Variants in TEX36 observed in about 807,000 individuals in gnomAD.
The protein encoded by TEX36 is testis-expressed protein 36.
Under a neutral mutation model 13.6 loss-of-function variants are expected in TEX36, and 12 were observed. That is an observed-to-expected ratio of 0.88 (90% CI 0.56 to 1.43). The LOEUF is 1.43. Ranked by LOEUF, TEX36 falls within the 40% of genes most tolerant of loss-of-function variation. The probability of loss-of-function intolerance (pLI) is 0.00; values close to 1 mark genes in which losing one functional copy is unlikely to be tolerated. For missense variants in TEX36, 224 were observed against 228.3 expected (o/e 0.98, Z 0.12); for synonymous variants, 93 against 83.0 (o/e 1.12, Z -0.65).
chr10:125,662,079 G>A, intron 1 of TEX36, 102 bp from the exon 2 acceptor site: 3 of 1,440,104 alleles, frequency 2.1e-6, no homozygotes, highest in Non-Finnish European at 2.8e-6. Context: ...CAATTTGGGT[G>A]CTTTTGGCAT....
intron 1 of TEX36, chr10:125,667,448 G>T (rs1847141841): frequency 1.4e-6 from 1 of 702,928 alleles, no homozygotes; most frequent in Admixed American, 1.8e-5. Flanking sequence ...CAGGACGTTG[G>T]TATTTTCCAT....
At chr10:125,599,259 T>C (rs141268926) in intron 3 of TEX36, among the ~76,000 whole-genome samples, 130 of 152,328 alleles carry the variant, frequency 8.5e-4, no homozygotes, top group African/African-American at 3.0e-3. Flanking sequence ...CTTAAGATGT[T>C]AAAACTGAAA....
intron 3 of TEX36, among the ~76,000 whole-genome samples, chr10:125,612,004 A>G (rs1330649291): frequency 6.6e-6 from 1 of 151,182 alleles, no homozygotes; most frequent in Non-Finnish European, 1.5e-5. Flanking sequence ...TTTGTGGCCT[A>G]CTGTAGCATG....
chr10:125,602,021 T>A lies in TEX36; in HGVS notation c.265-25147A>T, dbSNP rs1846155351. 2.0e-5 allele frequency among the ~76,000 whole-genome samples: 3 copies of A among 152,150 alleles called. No homozygotes were observed. In the South Asian group the frequency reaches 6.2e-4, roughly 32 times the overall value. On this transcript the variant is annotated intron_variant, in intron 3 of 3. Transcript: ENST00000532135. ...CCCAGCAGGGAGGCGAACAGATTTA[T>A]AGCAAGATCCAGGGAGGTGTTGCAG...
At chr10:125,675,269 C>G (rs1847293773) in intron 1 of TEX36, among the ~76,000 whole-genome samples, 1 of 152,186 alleles carries the variant, frequency 6.6e-6, no homozygotes, top group South Asian at 2.1e-4. Flanking sequence ...TCTCCAGCAC[C>G]AGCAGGGTAA....
intron 3 of TEX36, among the ~76,000 whole-genome samples, chr10:125,643,580 A>C (rs1846722354): frequency 6.6e-6 from 1 of 152,090 alleles, no homozygotes; most frequent in Admixed American, 6.5e-5. Context: ...GTCTCTACTA[A>C]AAATACAAAA....
At chr10:125,608,972 T>TAAA (rs35828943) in intron 3 of TEX36, among the ~76,000 whole-genome samples, 25 of 83,300 alleles carry the variant, frequency 3.0e-4, no homozygotes, top group African/African-American at 9.0e-4. Context: ...CCACCTCTAC[T>TAAA]AAAAAAAAAA....
downstream of TEX36, among the ~76,000 whole-genome samples, chr10:125,620,829 T>C (rs575693237): frequency 6.6e-6 from 1 of 152,310 alleles, no homozygotes; most frequent in Non-Finnish European, 1.5e-5. Context: ...AGTTTCCATC[T>C]CTGTGAATTT....
intron 3 of TEX36, among the ~76,000 whole-genome samples, chr10:125,637,341 G>A (rs1846634667): frequency 6.6e-6 from 1 of 151,780 alleles, no homozygotes; most frequent in Non-Finnish European, 1.5e-5. Flanking sequence ...TATGCAGTGT[G>A]TCTTCTTATG....
chr10:125,604,145 C>T (rs1353048509), intron 3 of TEX36, among the ~76,000 whole-genome samples: 1 of 152,172 alleles, frequency 6.6e-6, no homozygotes. Context: ...GGAGAAAGAA[C>T]TCTCAATGGC....
chr10:125,650,925 C>G (rs1846842783), downstream of TEX36, among the ~76,000 whole-genome samples: 1 of 152,188 alleles, frequency 6.6e-6, no homozygotes, highest in African/African-American at 2.4e-5. Flanking sequence ...TGGACACATA[C>G]ACCCTCCCAA....
At chr10:125,624,327 C>T (rs570519100) in intron 3 of TEX36, among the ~76,000 whole-genome samples, 5 of 152,282 alleles carry the variant, frequency 3.3e-5, no homozygotes, top group African/African-American at 7.2e-5. Flanking sequence ...GGGGCAGGTG[C>T]GGCTCCACAC....
At chr10:125,605,399 C>T (rs530962693) in intron 3 of TEX36, among the ~76,000 whole-genome samples, 1 of 151,790 alleles carries the variant, frequency 6.6e-6, no homozygotes, top group Admixed American at 6.6e-5. Context: ...GTCAGTTAAT[C>T]TCCACACGCA....
chr10:125,603,217 C>G (rs532223102), intron 3 of TEX36, among the ~76,000 whole-genome samples: 1 of 152,216 alleles, frequency 6.6e-6, no homozygotes, highest in Non-Finnish European at 1.5e-5. Context: ...CATGGCCCCC[C>G]GCCAGAAACT....
intron 3 of TEX36, among the ~76,000 whole-genome samples, chr10:125,615,843 G>C (rs1031500744): frequency 5.9e-5 from 9 of 152,138 alleles, no homozygotes; most frequent in African/African-American, 2.2e-4. Flanking sequence ...GATTGGAATA[G>C]TTTCAGAAGG....
intron 3 of TEX36, among the ~76,000 whole-genome samples, chr10:125,588,113 G>GAGT (rs1726260871): frequency 6.6e-6 from 1 of 152,226 alleles, no homozygotes; most frequent in African/African-American, 2.4e-5. Flanking sequence ...ATGCACATGT[G>GAGT]AGTATATCTC....
intron 3 of TEX36, among the ~76,000 whole-genome samples, chr10:125,631,188 C>T (rs1846549602): frequency 6.6e-6 from 1 of 152,200 alleles, no homozygotes; most frequent in Non-Finnish European, 1.5e-5. Context: ...AGTGCTTTCT[C>T]CAATGACTAC....
intron 1 of TEX36, among the ~76,000 whole-genome samples, chr10:125,679,519 G>A (rs1436491948): frequency 2.0e-5 from 3 of 152,198 alleles, no homozygotes; most frequent in Non-Finnish European, 2.9e-5. Context: ...GTTTCAGGGA[G>A]AGAAGGGTCG....
chr10:125,650,330 AG>A (rs1302719298), intron 3 of TEX36, among the ~76,000 whole-genome samples: 1 of 152,242 alleles, frequency 6.6e-6, no homozygotes, highest in Admixed American at 6.5e-5. Flanking sequence ...ACTAGAACTC[AG>A]GATTAAGAAA....
Sources: allele counts gnomAD v4.1 joint callset (sites outside exome capture counted in the v4.1 genomes callset), GRCh38; gene constraint gnomAD v4.1.1; transcripts MANE v1.5; gene names NCBI Gene and HGNC (gene_info 2026-07-23, HGNC 2026-07-21).